ITGBL1: variants seen among roughly 807,000 people sequenced by gnomAD.
The protein encoded by ITGBL1 is integrin beta-like protein 1.
A neutral mutation model predicts 68.5 loss-of-function variants in ITGBL1; 51 were observed. The ratio of observed to expected loss-of-function variants is 0.74; its 90% CI spans 0.59 to 0.94. The LOEUF is 0.94. Among genes scored for constraint, ITGBL1 ranks in the 40% least tolerant of loss-of-function variants. The probability of loss-of-function intolerance (pLI) is 0.00; values close to 1 mark genes in which losing one functional copy is unlikely to be tolerated. For missense variants in ITGBL1, 649 were observed against 647.4 expected, an observed-to-expected ratio of 1.00 and a Z score of -0.03; for synonymous variants, 209 against 227.3, an observed-to-expected ratio of 0.92 and a Z score of 0.72.
At chr13:101,614,677 C>T (rs1005037497) in intron 7 of ITGBL1, among the ~76,000 whole-genome samples, 8 of 152,038 alleles carry the variant, frequency 5.3e-5, no homozygotes, top group Admixed American at 3.9e-4. Flanking sequence ...CGGTGAGAGG[C>T]GACACTTCTG....
intron 2 of ITGBL1, among the ~76,000 whole-genome samples, chr13:101,475,150 T>C (rs1307028846): frequency 6.6e-6 from 1 of 152,030 alleles, no homozygotes; most frequent in East Asian, 1.9e-4. Context: ...TCAAAGATAA[T>C]TTAAAATACC....
In ITGBL1 at chr13:101,602,116, T is replaced by A. The variant is rs114869078; in HGVS notation, c.1015+3817T>A. 9.2e-4 allele frequency among the ~76,000 whole-genome samples: 140 copies of A among 152,202 alleles called. 1 individual carries two copies. The highest frequency in any genetic ancestry group is 3.2e-3 in the African/African-American group (132 of 41,570). The stretch of plus-strand genomic sequence containing the variant: ...ATTTCAGTTCAGTTCAGTTCAATGT[T>A]ACATTAAAAAACACAGTTTAGACGT... On this transcript the variant is annotated intron_variant, in intron 7 of 10. Coordinates refer to ENST00000376180, the MANE Select transcript of ITGBL1 (RefSeq NM_004791.3).
At chr13:101,699,466 C>T (rs1180186315) in intron 8 of ITGBL1, among the ~76,000 whole-genome samples, 2 of 152,148 alleles carry the variant, frequency 1.3e-5, no homozygotes, top group African/African-American at 2.4e-5. Context: ...GTAATTGAAT[C>T]ACGGGGGTGG....
intron 2 of ITGBL1, among the ~76,000 whole-genome samples, chr13:101,546,142 T>A (rs2049819777): frequency 1.3e-5 from 2 of 152,192 alleles, no homozygotes; most frequent in African/African-American, 4.8e-5. Flanking sequence ...TTATGAACGT[T>A]AGAACATGTG....
At chr13:101,614,705 T>C (rs1316476417) in intron 7 of ITGBL1, among the ~76,000 whole-genome samples, 2 of 152,118 alleles carry the variant, frequency 1.3e-5, no homozygotes, top group East Asian at 1.9e-4. Context: ...AGGCGCATGC[T>C]CAGGGGAGCA....
intron 2 of ITGBL1, among the ~76,000 whole-genome samples, chr13:101,555,842 C>A (rs919970816): frequency 1.3e-5 from 2 of 152,058 alleles, no homozygotes; most frequent in South Asian, 4.1e-4. Context: ...TCTCTGTAAC[C>A]CAGATGCACT....
chr13:101,513,592 TC>T (rs2049149003), intron 2 of ITGBL1, among the ~76,000 whole-genome samples: 1 of 152,152 alleles, frequency 6.6e-6, no homozygotes, highest in South Asian at 2.1e-4. Flanking sequence ...AATTATATAC[TC>T]CTTAAAATCA....
intron 2 of ITGBL1, among the ~76,000 whole-genome samples, chr13:101,544,496 G>A (rs188715617): frequency 6.6e-6 from 1 of 152,300 alleles, no homozygotes; most frequent in Non-Finnish European, 1.5e-5. Context: ...GGCTCCTCGG[G>A]GGTCAGGGAC....
At chr13:101,691,662 C>T (rs2033884657) in intron 7 of ITGBL1, among the ~76,000 whole-genome samples, 2 of 152,308 alleles carry the variant, frequency 1.3e-5, no homozygotes, top group South Asian at 2.1e-4. Context: ...CTCATATAGC[C>T]TTCCGGTGCT....
intron 7 of ITGBL1, among the ~76,000 whole-genome samples, chr13:101,682,653 C>A (rs1247647243): frequency 6.6e-6 from 1 of 151,836 alleles, no homozygotes; most frequent in East Asian, 1.9e-4. Context: ...GTTCATTTTT[C>A]TTTTGCTCAT....
At chr13:101,496,229 C>T (rs564875287) in intron 2 of ITGBL1, among the ~76,000 whole-genome samples, 72 of 152,222 alleles carry the variant, frequency 4.7e-4, no homozygotes, top group African/African-American at 1.6e-3. Flanking sequence ...TAGAGGTAGA[C>T]GCTCCCGGGC....
At chr13:101,661,321 A>G (rs1425020583) in intron 7 of ITGBL1, among the ~76,000 whole-genome samples, 4 of 152,126 alleles carry the variant, frequency 2.6e-5, no homozygotes, top group Non-Finnish European at 5.9e-5. Context: ...ACGTTTTTCA[A>G]TAAGTTTTGT....
chr13:101,471,619 G>A (rs1459550352), intron 2 of ITGBL1, among the ~76,000 whole-genome samples: 2 of 151,526 alleles, frequency 1.3e-5, no homozygotes, highest in African/African-American at 4.8e-5. Context: ...ACTCAGCTAG[G>A]CAAGCCTGGA....
chr13:101,671,383 A>AAGCTAATT (rs1238922993), intron 7 of ITGBL1, among the ~76,000 whole-genome samples: 1 of 151,296 alleles, frequency 6.6e-6, no homozygotes, highest in Non-Finnish European at 1.5e-5. Flanking sequence ...TTTCCCTCTT[A>AAGCTAATT]AGCTAATTAT....
chr13:101,569,579 T>C (rs144757258), intron 3 of ITGBL1, among the ~76,000 whole-genome samples: 82 of 152,270 alleles, frequency 5.4e-4, no homozygotes, highest in Non-Finnish European at 1.0e-3. Context: ...GAAAATGTTA[T>C]GTTTATATCT....
At chr13:101,637,552 T>C (rs1370714753) in intron 7 of ITGBL1, among the ~76,000 whole-genome samples, 3 of 151,970 alleles carry the variant, frequency 2.0e-5, no homozygotes, top group Non-Finnish European at 4.4e-5. Flanking sequence ...ATTGTGTTAG[T>C]CAGAAAGGTC....
chr13:101,706,668 T>C, intron 8 of ITGBL1, 88 bp from the exon 9 acceptor site: 1 of 1,322,556 alleles, frequency 7.6e-7, no homozygotes, highest in Non-Finnish European at 1.0e-6. Context: ...AATGAGATCC[T>C]ATGGTTTACA....
chr13:101,464,347 C>T (rs530597658), intron 2 of ITGBL1, among the ~76,000 whole-genome samples: 8 of 152,144 alleles, frequency 5.3e-5, no homozygotes, highest in Admixed American at 5.2e-4. Flanking sequence ...TTATTTCTGT[C>T]ATCTCATTTT....
In ITGBL1 at chr13:101,591,706, A is replaced by G. The variant is rs372910726; in HGVS notation, c.869-6447A>G. 7.9e-5 allele frequency among the ~76,000 whole-genome samples: 12 copies of G among 152,358 alleles called. No individual in the cohort carries two copies. In the East Asian group the frequency reaches 1.3e-3, roughly 17 times the overall value. ...TTTTCATATTGGATGATATACATTA[A>G]TATCAGATGCTAAAGACAGCATGCA... On this transcript the variant is annotated intron_variant, in intron 6 of 10. Transcript: ENST00000376180.
Sources: allele counts gnomAD v4.1 joint callset (sites outside exome capture counted in the v4.1 genomes callset), GRCh38; gene constraint gnomAD v4.1.1; transcripts MANE v1.5; gene names NCBI Gene and HGNC (gene_info 2026-07-23, HGNC 2026-07-21).